Variants in MMUT observed in about 807,000 individuals in gnomAD.
MMUT encodes methylmalonyl-CoA mutase.
MMUT carries 79 observed loss-of-function variants against 79.9 expected under a neutral mutation model. That is an observed-to-expected ratio of 0.99 (90% CI 0.82 to 1.19). The LOEUF is 1.19. MMUT is among the 50% of genes most tolerant of loss of function. The probability of loss-of-function intolerance (pLI) is 0.00; values close to 1 mark genes in which losing one functional copy is unlikely to be tolerated. For synonymous variants in MMUT, 273 were observed against 295.7 expected (o/e 0.92, Z 0.79); for missense variants, 860 against 917.2 (o/e 0.94, Z 0.81).
At chr6:49,442,033 C>T in intron 9 of MMUT, 62 bp from the exon 10 acceptor site, 1 of 1,488,434 alleles carries the variant, frequency 6.7e-7, no homozygotes, top group South Asian at 1.1e-5. Context: ...ATCTGTTTAC[C>T]ATAATATTCA....
intron 7 of MMUT, among the ~76,000 whole-genome samples, chr6:49,448,087 T>C (rs1337711648): frequency 6.6e-6 from 1 of 151,970 alleles, no homozygotes; most frequent in Non-Finnish European, 1.5e-5. Context: ...GCAGCTGCCA[T>C]CTAAGATTTA....
At chr6:49,452,878 TTAAA>T (rs781414517) in intron 5 of MMUT, among the ~76,000 whole-genome samples, 3 of 152,104 alleles carry the variant, frequency 2.0e-5, no homozygotes, top group Non-Finnish European at 4.4e-5. Context: ...GCATGCTTGC[TTAAA>T]TACATAACTT....
intron 6 of MMUT, 118 bp downstream of exon 6, chr6:49,451,348 T>C: frequency 8.6e-7 from 1 of 1,164,228 alleles, no homozygotes. Context: ...TATAAATCTG[T>C]AAGTGATTTG....
In MMUT at chr6:49,447,412, A is replaced by C. The variant is rs1417869825; in HGVS notation, c.1560+258T>G. 2.0e-5 allele frequency among the ~76,000 whole-genome samples: 3 copies of C among 151,832 alleles called. No individual in the cohort carries two copies. The East Asian group carries it at 5.8e-4, about 29-fold the overall frequency. The stretch of plus-strand genomic sequence containing the variant: ...GTGTGGTTTTTAATAACAACTTATA[A>C]GTTTCACAGAGGTAGATATCATGGT... On this transcript the variant is annotated intron_variant, in intron 8 of 12. Transcript: ENST00000274813.
chr6:49,445,830 GA>G (rs1450571283), intron 8 of MMUT, among the ~76,000 whole-genome samples: 1 of 151,848 alleles, frequency 6.6e-6, no homozygotes. Context: ...TTTAGAGCAA[GA>G]AAAAACTCAA....
intron 11 of MMUT, among the ~76,000 whole-genome samples, chr6:49,438,998 C>T (rs1444827092): frequency 6.6e-6 from 1 of 152,014 alleles, no homozygotes; most frequent in Admixed American, 6.6e-5. Flanking sequence ...TTAATAAACT[C>T]CCCCTTACAT....
intron 8 of MMUT, among the ~76,000 whole-genome samples, chr6:49,447,027 C>G (rs989380638): frequency 6.6e-6 from 1 of 151,752 alleles, no homozygotes; most frequent in African/African-American, 2.4e-5. Flanking sequence ...TAGGTTACAA[C>G]AGTGACAATT....
chr6:49,434,059 T>G (rs1017031525), intron 12 of MMUT, among the ~76,000 whole-genome samples: 2 of 152,188 alleles, frequency 1.3e-5, no homozygotes, highest in African/African-American at 4.8e-5. Context: ...ATTTTTTTTT[T>G]CTCAACATGA....
In MMUT at chr6:49,440,279, T is replaced by A; in HGVS notation, c.1883A>T (p.Asp628Val). 1 of 1,614,136 alleles carries A rather than the reference T, an allele frequency of 6.2e-7. No individual in the cohort carries two copies. Among genetic ancestry groups the A allele is most frequent in the Non-Finnish European group, 8.5e-7 (1 of 1,179,986 alleles). Reference sequence around the variant, plus strand: ...TGTAGCAATAACTTTTGCTCCTCTGTCATGGCCATCTTGTCCCATTTTTGC... The same window carrying A: ...TGTAGCAATAACTTTTGCTCCTCTGACATGGCCATCTTGTCCCATTTTTGC... ...LVAKMGQDGHDRGAKVIATGF... is the reference protein window; with the variant it reads ...LVAKMGQDGHVRGAKVIATGF... Residue 628 changes from aspartate (D) to valine (V), a missense_variant, in exon 11 of 13, where the codon GAC becomes GTC. Physicochemically the swap from Asp to Val is radical, Grantham distance 152. Coordinates refer to ENST00000274813, the MANE Select transcript of MMUT (RefSeq NM_000255.4).
intron 8 of MMUT, among the ~76,000 whole-genome samples, chr6:49,446,773 T>C (rs1280501890): frequency 6.6e-6 from 1 of 151,714 alleles, no homozygotes; most frequent in Non-Finnish European, 1.5e-5. Context: ...ATAAATGAAA[T>C]CCTTCAGGCT....
Position 49,459,403 on chromosome 6 carries a change from A to G in MMUT, c.64T>C (p.Ser22Pro), listed in dbSNP as rs747378116. The change falls in exon 2 of 13, where the codon TCA (serine) becomes CCA (proline). Residue 22 changes from serine to proline, a missense_variant. Transcript: ENST00000274813. ...SPHYLRQVKESSGSRLIQQRL... is the reference protein window; with the variant it reads ...SPHYLRQVKEPSGSRLIQQRL... The stretch of plus-strand genomic sequence containing the variant: ...TGCTGTATGAGCCTGGAGCCTGATG[A>G]TTCTTTTACCTGCCTCAGGTAATGA... 4.3e-6 allele frequency: 7 copies of G among 1,613,586 alleles called. No individual in the cohort carries two copies. In the South Asian group the frequency reaches 7.7e-5, roughly 18 times the overall value.
At chr6:49,432,930 A>C (rs1767024447) in intron 12 of MMUT, among the ~76,000 whole-genome samples, 1 of 152,058 alleles carries the variant, frequency 6.6e-6, no homozygotes, top group African/African-American at 2.4e-5. Context: ...TCAAGTGATA[A>C]ATTATATGGT....
chr6:49,458,253 T>C (rs565179923), intron 2 of MMUT, among the ~76,000 whole-genome samples, 195 bp from the exon 3 acceptor site: 42 of 152,298 alleles, frequency 2.8e-4, no homozygotes, highest in Admixed American at 4.6e-4. Flanking sequence ...GTTGTTTCCC[T>C]TGTGCCAAAA....
intron 12 of MMUT, among the ~76,000 whole-genome samples, chr6:49,432,510 T>C (rs9367356): frequency 0.64 from 97,002 of 151,466 alleles, 31,712 homozygotes; most frequent in African/African-American, 0.74. Flanking sequence ...GCCTCAGCCT[T>C]CCAAGTAGCT....
chr6:49,462,951 CAG>C (rs965339078), intron 1 of MMUT, among the ~76,000 whole-genome samples, 150 bp downstream of exon 1: 17 of 152,140 alleles, frequency 1.1e-4, no homozygotes, highest in African/African-American at 3.9e-4. Flanking sequence ...AAGGAGAAGG[CAG>C]AGAGTGGGAT....
chr6:49,455,955 A>C, intron 4 of MMUT, 125 bp downstream of exon 4: 2 of 862,204 alleles, frequency 2.3e-6, no homozygotes, highest in Non-Finnish European at 3.5e-6. Flanking sequence ...ATTATCACTC[A>C]GATAAAATAT....
rs2127415956 is a variant in MMUT, at chr6:49,444,656, CA to C, written c.1658del (p.Val553GlyfsTer17). On this transcript the variant is annotated frameshift_variant, in exon 9 of 13. Coordinates refer to ENST00000274813, the MANE Select transcript of MMUT (RefSeq NM_000255.4). LOFTEE classifies it high-confidence loss of function. ...SGDGNILALA[V>X]DASRARCTVG... ...ATCTTCACCTTGCCCGAGATGCATC[CA>C]CTGCAAGAGCCAGGATATTTCCATC... The C allele has an allele frequency of 6.2e-7, 1 of 1,613,070 alleles. No individual in the cohort carries two copies. Among genetic ancestry groups the C allele is most frequent in the Non-Finnish European group, 8.5e-7 (1 of 1,179,250 alleles).
intron 1 of MMUT, 52 bp from the exon 2 acceptor site, chr6:49,459,557 G>A (rs1360023832): frequency 9.6e-6 from 13 of 1,354,188 alleles, no homozygotes; most frequent in South Asian, 6.3e-5. Flanking sequence ...GTGGGAAATA[G>A]GAGCTACTCA....
chr6:49,458,992 A>G (rs1767764004), intron 2 of MMUT, 90 bp downstream of exon 2: 1 of 1,291,546 alleles, frequency 7.7e-7, no homozygotes, highest in East Asian at 2.4e-5. Context: ...TAGAGTGAAT[A>G]TCATCTTTAC....
Sources: allele counts gnomAD v4.1 joint callset (sites outside exome capture counted in the v4.1 genomes callset), GRCh38; gene constraint gnomAD v4.1.1; transcripts MANE v1.5; gene names NCBI Gene and HGNC (gene_info 2026-07-23, HGNC 2026-07-21).